FCHSD2: variants seen among roughly 807,000 people sequenced by gnomAD.
FCHSD2 encodes F-BAR and double SH3 domains protein 2.
Under a neutral mutation model 108.1 loss-of-function variants are expected in FCHSD2, and 38 were observed. The ratio of observed to expected loss-of-function variants is 0.35; its 90% CI spans 0.27 to 0.46. FCHSD2 has a LOEUF of 0.46. Among genes scored for constraint, FCHSD2 ranks in the 20% least tolerant of loss-of-function variants. The probability of loss-of-function intolerance (pLI) is 1.00; values close to 1 mark genes in which losing one functional copy is unlikely to be tolerated. For missense variants in FCHSD2, 751 were observed against 897.8 expected, an observed-to-expected ratio of 0.84 and a Z score of 2.09; for synonymous variants, 279 against 314.7, an observed-to-expected ratio of 0.89 and a Z score of 1.20.
At chr11:73,121,355 C>T (rs547657920) in intron 2 of FCHSD2, among the ~76,000 whole-genome samples, 32 of 151,982 alleles carry the variant, frequency 2.1e-4, no homozygotes, top group Non-Finnish European at 3.5e-4. Flanking sequence ...ATTATTCCCA[C>T]TCTACACAGA....
At chr11:72,843,092 G>T in intron 16 of FCHSD2, 59 bp downstream of exon 16, 1 of 1,530,364 alleles carries the variant, frequency 6.5e-7, no homozygotes, top group Non-Finnish European at 9.0e-7. Flanking sequence ...GCTTACTCCA[G>T]GGCAATACAG....
At chr11:73,068,813 T>TAAAAAAAAAAAAAAAAAAGA (rs1859359300) in intron 3 of FCHSD2, among the ~76,000 whole-genome samples, 1 of 83,046 alleles carries the variant, frequency 1.2e-5, no homozygotes, top group Non-Finnish European at 2.2e-5. Context: ...CTACAAAAAG[T>TAAAAAAAAAAAAAAAAAAGA]AAAAAAAAAA....
intron 9 of FCHSD2, among the ~76,000 whole-genome samples, chr11:72,921,073 C>CA (rs201371746): frequency 0.085 from 11,209 of 131,650 alleles, 499 homozygotes; most frequent in South Asian, 0.17. Flanking sequence ...CTCTCCCTGA[C>CA]AAAAAAAAAA....
chr11:72,837,272 A>G lies in FCHSD2; in HGVS notation c.*1519T>C, dbSNP rs1215028371. 1.3e-5 allele frequency: 2 copies of G among 152,610 alleles called. No homozygotes were observed. Among genetic ancestry groups the G allele is most frequent in the African/African-American group, 4.8e-5 (2 of 41,454 alleles). 9.5% of individuals were successfully genotyped at this position (152,610 alleles called of 1,614,324 possible). A position where few individuals can be genotyped will look rare whatever the true frequency, so the allele number is the denominator to read the frequency against. ...AAACCCCAAATCATGGAGAAGATTC[A>G]TTAATGGGTATTGTCACTGAAGTGA... is the stretch of plus-strand genomic sequence containing the variant. On this transcript the variant is annotated 3_prime_UTR_variant, in exon 20 of 20. Coordinates refer to ENST00000409418, the MANE Select transcript of FCHSD2 (RefSeq NM_014824.3).
intron 8 of FCHSD2, chr11:72,983,683 C>G (rs1206782811): frequency 3.5e-6 from 1 of 281,876 alleles, no homozygotes; most frequent in African/African-American, 2.3e-5. Flanking sequence ...TCCGATGATT[C>G]AGAAGATACC....
intron 3 of FCHSD2, among the ~76,000 whole-genome samples, chr11:73,074,096 A>G (rs1413802791): frequency 6.6e-6 from 1 of 152,198 alleles, no homozygotes; most frequent in East Asian, 1.9e-4. Context: ...CGGGAAAAAA[A>G]TATTTCAAAG....
chr11:73,068,034 A>G (rs1859337912), intron 3 of FCHSD2, among the ~76,000 whole-genome samples: 1 of 152,060 alleles, frequency 6.6e-6, no homozygotes, highest in Non-Finnish European at 1.5e-5. Context: ...TTATAAAACC[A>G]TCAGATCTCG....
Position 72,855,381 on chromosome 11 carries a change from C to T in FCHSD2, c.1309-5492G>A, listed in dbSNP as rs1861400607. Among the ~76,000 whole-genome samples, 3 of 152,196 alleles carry T rather than the reference C, an allele frequency of 2.0e-5. 1 individual carries two copies. In the Middle Eastern group the frequency reaches 0.01, roughly 518 times the overall value. The stretch of plus-strand genomic sequence containing the variant: ...ATCCCAGCTGCTCAGGAGGCTGAGG[C>T]AGGAGAATCACTTGAACCCGGGAGG... On this transcript the variant is annotated intron_variant, in intron 13 of 19. Coordinates refer to ENST00000409418, the MANE Select transcript of FCHSD2 (RefSeq NM_014824.3).
intron 3 of FCHSD2, among the ~76,000 whole-genome samples, chr11:73,057,880 CTTT>C (rs775650024): frequency 5.8e-5 from 8 of 137,122 alleles, no homozygotes; most frequent in African/African-American, 2.7e-5. Flanking sequence ...ATTCGGTATT[CTTT>C]TTTTTTTTTT....
At chr11:73,088,970 C>A (rs573717143) in intron 2 of FCHSD2, among the ~76,000 whole-genome samples, 1 of 152,196 alleles carries the variant, frequency 6.6e-6, no homozygotes, top group African/African-American at 2.4e-5. Flanking sequence ...AGCTTTTGTA[C>A]CCTTGATGTG....
chr11:72,888,254 A>G (rs1855239581), intron 11 of FCHSD2, among the ~76,000 whole-genome samples: 1 of 152,222 alleles, frequency 6.6e-6, no homozygotes. Flanking sequence ...GTGGATGACT[A>G]GAGAAGATAA....
At chr11:72,939,306 T>C (rs900762908) in intron 8 of FCHSD2, among the ~76,000 whole-genome samples, 10 of 152,144 alleles carry the variant, frequency 6.6e-5, no homozygotes, top group Admixed American at 1.3e-4. Flanking sequence ...CTAAAAATTG[T>C]AACTAAGCAT....
At chr11:72,903,638 T>C (rs898134490) in intron 9 of FCHSD2, among the ~76,000 whole-genome samples, 1 of 152,018 alleles carries the variant, frequency 6.6e-6, no homozygotes, top group Non-Finnish European at 1.5e-5. Context: ...AATCGGCATC[T>C]GATGGGGCAA....
At chr11:73,009,020 T>A (rs1289296489) in intron 4 of FCHSD2, among the ~76,000 whole-genome samples, 1 of 150,048 alleles carries the variant, frequency 6.7e-6, no homozygotes, top group African/African-American at 2.5e-5. Context: ...TAGAAAGGAA[T>A]GAAAACCTGT....
chr11:72,903,184 A>AATTAATTT (rs1565314130), intron 9 of FCHSD2, among the ~76,000 whole-genome samples: 4 of 124,704 alleles, frequency 3.2e-5, no homozygotes, highest in African/African-American at 6.4e-5. Context: ...GCTAGAAAGG[A>AATTAATTT]ATTTATTTAT....
chr11:73,009,910 G>A (rs1198046286), intron 4 of FCHSD2, among the ~76,000 whole-genome samples: 1 of 152,004 alleles, frequency 6.6e-6, no homozygotes, highest in South Asian at 2.1e-4. Context: ...TGCCTGGGGG[G>A]GTCTCAGAGC....
intron 8 of FCHSD2, among the ~76,000 whole-genome samples, chr11:72,942,647 A>C (rs1274187649): frequency 6.6e-6 from 1 of 152,230 alleles, no homozygotes; most frequent in Non-Finnish European, 1.5e-5. Flanking sequence ...GTACTTTGGT[A>C]ATCAAATGGA....
chr11:73,083,346 C>T (rs1859740595), intron 3 of FCHSD2, among the ~76,000 whole-genome samples: 1 of 151,954 alleles, frequency 6.6e-6, no homozygotes, highest in African/African-American at 2.4e-5. Context: ...GTCAAGAGAT[C>T]GAGACCATCC....
intron 2 of FCHSD2, among the ~76,000 whole-genome samples, chr11:73,084,278 T>C (rs1024869145): frequency 6.6e-6 from 1 of 152,238 alleles, no homozygotes; most frequent in Non-Finnish European, 1.5e-5. Context: ...CACTCCAGTT[T>C]TTTATAAGCA....
Sources: gnomAD v4.1 joint callset for allele counts (sites outside exome capture counted in the v4.1 genomes callset) on GRCh38, gnomAD v4.1.1 for gene constraint, MANE v1.5 for transcripts, NCBI Gene and HGNC (gene_info 2026-07-23, HGNC 2026-07-21) for gene names.